SPRYD3: variants seen among roughly 807,000 people sequenced by gnomAD.
SPRYD3 encodes SPRY domain containing 3.
SPRYD3 carries 17 observed loss-of-function variants against 50.1 expected under a neutral mutation model. The observed-to-expected ratio is 0.34, with a 90% CI of 0.23 to 0.51. The LOEUF is 0.51. Among genes scored for constraint, SPRYD3 ranks in the 20% least tolerant of loss-of-function variants. The probability of loss-of-function intolerance (pLI) is 0.97; values close to 1 mark genes in which losing one functional copy is unlikely to be tolerated. For synonymous variants in SPRYD3, 198 were observed against 215.5 expected (o/e 0.92, Z 0.71); for missense variants, 401 against 591.2 (o/e 0.68, Z 3.34).
At position 53,066,321 on chromosome 12, in the gene SPRYD3, T is replaced by A; in HGVS notation, c.1187A>T (p.Lys396Met). The A allele has an allele frequency of 1.2e-6, 2 of 1,613,782 alleles. No individual in the cohort carries two copies. Among genetic ancestry groups the A allele is most frequent in the Non-Finnish European group, 1.7e-6 (2 of 1,179,902 alleles). The change falls in exon 10 of 11, where the codon AAG (lysine) becomes ATG (methionine). Residue 396 changes from lysine (K) to methionine (M), a missense_variant. Physicochemically the swap from Lys to Met is moderately conservative, Grantham distance 95. Transcript: ENST00000301463. ...CAAACTCTCCGTACTCACCACCACC[T>A]TCCTGCCCTCATGCTCCGGCTCTAT... ...EEIEPEHEGR[K>M]VVVFFTRNGK...
rs1944573844 is a variant in SPRYD3, at chr12:53,074,470, G to A, written c.507+179C>T. On this transcript the variant is annotated intron_variant, in intron 5 of 10. Transcript: ENST00000301463. The surrounding 1 kb of genome is among the most constrained non-coding windows in gnomAD (Gnocchi z 4.6). ...ATGTCCCAGCTTCCTCTGGCCATGG[G>A]AAGTATCTTCTCCTACACGCAAGAG... is the stretch of plus-strand genomic sequence containing the variant. Among the ~76,000 whole-genome samples, 1 of 152,198 alleles carries A rather than the reference G, an allele frequency of 6.6e-6. No homozygotes were observed. Among genetic ancestry groups the A allele is most frequent in the South Asian group, 2.1e-4 (1 of 4,830 alleles).
intron 1 of SPRYD3, among the ~76,000 whole-genome samples, chr12:53,078,745 A>T (rs1944609219): frequency 6.6e-6 from 1 of 152,196 alleles, no homozygotes; most frequent in Non-Finnish European, 1.5e-5. Context: ...CAAAAGTGAG[A>T]AAGAGGTGAA....
chr12:53,066,969 G>A (rs1422220676), intron 8 of SPRYD3, among the ~76,000 whole-genome samples: 1 of 152,124 alleles, frequency 6.6e-6, no homozygotes, highest in Non-Finnish European at 1.5e-5. Context: ...AATTAGCTGG[G>A]CGTGGTGGCG....
intron 1 of SPRYD3, chr12:53,078,244 T>A: frequency 3.1e-6 from 1 of 317,804 alleles, no homozygotes. Flanking sequence ...ATCCCAGCAC[T>A]TTGGGAGGCC....
chr12:53,078,124 A>G (rs1387175997), intron 1 of SPRYD3: 1 of 454,602 alleles, frequency 2.2e-6, no homozygotes, highest in Non-Finnish European at 4.4e-6. Flanking sequence ...GGCTGCAGTC[A>G]GTTCTGATTG....
intron 2 of SPRYD3, among the ~76,000 whole-genome samples, chr12:53,076,335 G>A (rs1944588593): frequency 2.0e-5 from 3 of 152,210 alleles, no homozygotes; most frequent in Admixed American, 2.0e-4. Context: ...CTCAGAAGGA[G>A]TCAGGGAAGG....
intron 3 of SPRYD3, 51 bp from the exon 4 acceptor site, chr12:53,075,270 A>T: frequency 1.9e-6 from 3 of 1,571,102 alleles, no homozygotes; most frequent in Non-Finnish European, 2.6e-6. Flanking sequence ...AATGGGATGA[A>T]TTGCTGGGGG....
In SPRYD3 at chr12:53,065,510, C is replaced by T. The variant is rs979030668; in HGVS notation, c.*322G>A. 6.5e-6 allele frequency: 2 copies of T among 307,476 alleles called. No homozygotes were observed. Among genetic ancestry groups the T allele is most frequent in the Non-Finnish European group, 1.2e-5 (2 of 163,462 alleles). The allele number at this position is 307,476 out of a possible 1,614,324, so 19.0% of individuals were successfully genotyped here. ...CTGAGATAGGGTGCTCACGCCTCTC[C>T]ACCCACACAGGGCCGGTGAGGGAAA... On this transcript the variant is annotated 3_prime_UTR_variant, in exon 11 of 11. Coordinates refer to ENST00000301463, the MANE Select transcript of SPRYD3 (RefSeq NM_032840.3).
Position 53,074,583 on chromosome 12 carries a change from A to C in SPRYD3, c.507+66T>G. On this transcript the variant is annotated intron_variant, in intron 5 of 10. Coordinates refer to ENST00000301463, the MANE Select transcript of SPRYD3 (RefSeq NM_032840.3). This position sits in a 1 kb window ranked among gnomAD's most constrained non-coding sequence, Gnocchi z 4.6. ...AAGCCCCAGCCAGCAGACTCTTCCT[A>C]ATCACTCCCCACAAATCCTTGGGCA... 6.2e-7 allele frequency: 1 copy of C among 1,601,632 alleles called. No homozygotes were observed.
intron 8 of SPRYD3, 121 bp downstream of exon 8, chr12:53,067,527 T>G: frequency 1.1e-6 from 1 of 895,516 alleles, no homozygotes; most frequent in Non-Finnish European, 1.8e-6. Flanking sequence ...GAAGGGGAGG[T>G]CAGCCAGCAG....
chr12:53,073,571 G>C, intron 5 of SPRYD3, 100 bp from the exon 6 acceptor site: 2 of 1,001,220 alleles, frequency 2.0e-6, no homozygotes, highest in South Asian at 1.7e-5. Flanking sequence ...CCAGCCGGGC[G>C]TGGTGGCTCA....
In SPRYD3 at chr12:53,066,491, G is replaced by A; in HGVS notation, c.1022-5C>T. ...CACAACTGTCATCACTGTCCCCTAG[G>A]AGACCAGGAAACCTGAGCTCCTGTG... On this transcript the variant is annotated splice_polypyrimidine_tract_variant and splice_region_variant and intron_variant, in intron 9 of 10. Transcript: ENST00000301463. 6.2e-7 allele frequency: 1 copy of A among 1,614,088 alleles called. No homozygotes were observed. The highest frequency in any genetic ancestry group is 8.5e-7 in the Non-Finnish European group (1 of 1,180,002).
chr12:53,066,665 C>A lies in SPRYD3; in HGVS notation c.929G>T (p.Gly310Val). ...ADDGKIFHGS[G>V]VGDPFGPRCY... ...GCGTGGCCCAAAGGGGTCCCCCACA[C>A]CACTGCCATGGAAGATCTTCCCATC... Residue 310 changes from glycine to valine, a missense_variant, in exon 9 of 11, where the codon GGT (glycine) becomes GTT (valine). Gly to Val is a moderately radical substitution (Grantham distance 109, BLOSUM62 -3). Transcript: ENST00000301463. 6.2e-7 allele frequency: 1 copy of A among 1,613,040 alleles called. No homozygotes were observed. Among genetic ancestry groups the A allele is most frequent in the Non-Finnish European group, 8.5e-7 (1 of 1,179,314 alleles).
chr12:53,071,724 A>T (rs1406033219), intron 6 of SPRYD3, among the ~76,000 whole-genome samples: 3 of 84,540 alleles, frequency 3.5e-5, no homozygotes, highest in African/African-American at 1.2e-4. Flanking sequence ...AGCCTGTCTT[A>T]AAAAAAAAAA....
At chr12:53,070,948 C>G (rs1338200082) in intron 6 of SPRYD3, among the ~76,000 whole-genome samples, 2 of 152,182 alleles carry the variant, frequency 1.3e-5, no homozygotes, top group Admixed American at 6.5e-5. Context: ...CCCCAAGAAG[C>G]CAAAGACATG....
chr12:53,065,991 T>G (rs1038631467), intron 10 of SPRYD3, 25 bp from the exon 11 acceptor site: 2 of 1,606,660 alleles, frequency 1.2e-6, no homozygotes, highest in Non-Finnish European at 1.7e-6. Flanking sequence ...GGGAGAAGAA[T>G]GGAGCAAGCA....
chr12:53,073,283 T>C lies in SPRYD3; in HGVS notation c.693+3A>G. On this transcript the variant is annotated splice_donor_region_variant and intron_variant, in intron 6 of 10. Coordinates refer to ENST00000301463, the MANE Select transcript of SPRYD3 (RefSeq NM_032840.3). Reference sequence around the variant, plus strand: ...CCCTCCCACCCTCCCACCCGCTACTTACAGTCCCACAGACTCTGACATCAT... The same window carrying C: ...CCCTCCCACCCTCCCACCCGCTACTCACAGTCCCACAGACTCTGACATCAT... 1 of 227,904 alleles carries C rather than the reference T, an allele frequency of 4.4e-6. No individual in the cohort carries two copies. Among genetic ancestry groups the C allele is most frequent in the Non-Finnish European group, 9.1e-6 (1 of 110,328 alleles). The allele number at this position is 227,904 out of a possible 1,614,324, so 14.1% of individuals were successfully genotyped here.
chr12:53,073,256 G>GCCCCCGGGGGGGGGGGGCCC, intron 6 of SPRYD3, 30 bp downstream of exon 6: 11 of 424,128 alleles, frequency 2.6e-5, no homozygotes, highest in East Asian at 7.6e-5. Context: ...CTCCGACCCA[G>GCCCCCGGGGGGGGGGGGCCC]CCCCTCCCAC....
At chr12:53,068,452 C>A in intron 6 of SPRYD3, 148 bp from the exon 7 acceptor site, 1 of 1,008,596 alleles carries the variant, frequency 9.9e-7, no homozygotes, top group Non-Finnish European at 1.4e-6. Flanking sequence ...CAATGTGGCC[C>A]CAAAGTTCTA....
Sources: allele counts gnomAD v4.1 joint callset (sites outside exome capture counted in the v4.1 genomes callset), GRCh38; gene constraint gnomAD v4.1.1; non-coding constraint Gnocchi (gnomAD v3.1); transcripts MANE v1.5; gene names NCBI Gene and HGNC (gene_info 2026-07-23, HGNC 2026-07-21).